The following RTF1 variants were observed in gnomAD, a reference collection of about 807,000 sequenced individuals.
RTF1 encodes the protein RTF1 homolog, Paf1/RNA polymerase II complex component.
A neutral mutation model predicts 95.7 loss-of-function variants in RTF1; 10 were observed. That is an observed-to-expected ratio of 0.10 (90% CI 0.06 to 0.18). The LOEUF (loss-of-function observed/expected upper bound fraction) is 0.18, where lower values mean the gene tolerates loss of function less well. Ranked by LOEUF, RTF1 falls within the 10% of genes least tolerant of loss-of-function variation. RTF1 has a pLI of 1.00. For missense variants in RTF1, 458 were observed against 875.6 expected (o/e 0.52, Z 6.02); for synonymous variants, 305 against 311.8 (o/e 0.98, Z 0.23).
chr15:41,479,236 C>G, intron 16 of RTF1, 38 bp downstream of exon 16: 2 of 1,430,910 alleles, frequency 1.4e-6, no homozygotes, highest in Non-Finnish European at 2.0e-6. Flanking sequence ...CTGAGTGAGG[C>G]TGCTGGCTGA....
At chr15:41,464,948 G>GTGTGTC in intron 5 of RTF1, 63 bp downstream of exon 5, 1 of 1,459,218 alleles carries the variant, frequency 6.9e-7, no homozygotes, top group Non-Finnish European at 9.0e-7. Context: ...GTGTGTGTGT[G>GTGTGTC]TGTGTGTGTG....
intron 2 of RTF1, among the ~76,000 whole-genome samples, chr15:41,445,761 A>G (rs926925070): frequency 1.4e-5 from 2 of 145,658 alleles, no homozygotes; most frequent in Non-Finnish European, 1.5e-5. Flanking sequence ...TTGGAAACAG[A>G]GTCTTGCTCT....
chr15:41,457,202 G>A (rs1008473338), intron 3 of RTF1, among the ~76,000 whole-genome samples: 3 of 152,292 alleles, frequency 2.0e-5, no homozygotes, highest in African/African-American at 7.2e-5. Flanking sequence ...AAGAGTTCGA[G>A]ACCAGCCTTG....
At chr15:41,472,800 C>T (rs188209250) in intron 8 of RTF1, among the ~76,000 whole-genome samples, 118 of 151,612 alleles carry the variant, frequency 7.8e-4, no homozygotes, top group African/African-American at 2.4e-3. Flanking sequence ...CTCCCAGGTT[C>T]ACGCCATTCT....
intron 6 of RTF1, 57 bp downstream of exon 6, chr15:41,466,309 G>A: frequency 8.5e-7 from 1 of 1,182,930 alleles, no homozygotes; most frequent in Non-Finnish European, 1.2e-6. Flanking sequence ...ACTTCCTGGT[G>A]TCCATTTTCA....
intron 13 of RTF1, 79 bp downstream of exon 13, chr15:41,477,365 C>T: frequency 6.2e-7 from 1 of 1,612,674 alleles, no homozygotes; most frequent in South Asian, 1.1e-5. Context: ...ACACTCTGTG[C>T]TGCACTGACC....
chr15:41,426,040 T>G (rs978107253), intron 1 of RTF1, among the ~76,000 whole-genome samples: 2 of 151,980 alleles, frequency 1.3e-5, no homozygotes, highest in African/African-American at 4.8e-5. Context: ...CCCAGCACTT[T>G]GGGAGGCTGA....
intron 4 of RTF1, among the ~76,000 whole-genome samples, chr15:41,463,832 T>C (rs1804680962): frequency 6.6e-6 from 1 of 151,798 alleles, no homozygotes; most frequent in Admixed American, 6.6e-5. Context: ...GGTCTTTCAT[T>C]GTGTGTTTTT....
chr15:41,432,447 T>C (rs918410106), intron 1 of RTF1, among the ~76,000 whole-genome samples: 9 of 151,568 alleles, frequency 5.9e-5, no homozygotes, highest in African/African-American at 2.2e-4. Flanking sequence ...TCCACCCACC[T>C]CAGCCTCCCA....
chr15:41,460,844 G>T (rs1025710638), intron 4 of RTF1, among the ~76,000 whole-genome samples: 4 of 150,426 alleles, frequency 2.7e-5, no homozygotes, highest in African/African-American at 9.8e-5. Context: ...CAGGCTGTAG[G>T]CTACCATGCC....
chr15:41,455,490 A>G (rs1161106881), intron 3 of RTF1, among the ~76,000 whole-genome samples: 2 of 152,106 alleles, frequency 1.3e-5, no homozygotes, highest in Non-Finnish European at 2.9e-5. Flanking sequence ...TGTTTAAGCC[A>G]TCAGGATGCA....
In RTF1 at chr15:41,475,721, G is replaced by A; in HGVS notation, c.1384G>A (p.Ala462Thr). The change falls in exon 11 of 18, where the codon GCT becomes ACT. Residue 462 changes from alanine (A) to threonine (T), a missense_variant. By Grantham distance (58) the Ala-to-Thr change is moderately conservative. This residue lies in a region of RTF1 where 150 missense variants were observed against 275.7 expected (regional missense o/e 0.54). Coordinates refer to ENST00000389629, the MANE Select transcript of RTF1 (RefSeq NM_015138.5). ...CGTGTTTTTGATCCAGATGTTCTCT[G>A]CTGGCATGCAGTTGCCCACTCTAGA... ...FMKWKEAMFSAGMQLPTLDEI... is the reference protein window; with the variant it reads ...FMKWKEAMFSTGMQLPTLDEI... 1.2e-6 allele frequency: 2 copies of A among 1,609,726 alleles called. No homozygotes were observed. The highest frequency in any genetic ancestry group is 1.7e-6 in the Non-Finnish European group (2 of 1,176,484).
chr15:41,443,371 C>G (rs893166871), intron 2 of RTF1, among the ~76,000 whole-genome samples: 1 of 151,980 alleles, frequency 6.6e-6, no homozygotes, highest in African/African-American at 2.4e-5. Flanking sequence ...GAATTATTCT[C>G]GATATCTGGA....
At chr15:41,445,883 A>G (rs1440113633) in intron 2 of RTF1, among the ~76,000 whole-genome samples, 1 of 151,886 alleles carries the variant, frequency 6.6e-6, no homozygotes, top group African/African-American at 2.4e-5. Flanking sequence ...TTACAGGCGC[A>G]TGCTACCACG....
chr15:41,418,587 G>A (rs1382955998), intron 1 of RTF1, among the ~76,000 whole-genome samples: 1 of 152,114 alleles, frequency 6.6e-6, no homozygotes, highest in Admixed American at 6.6e-5. Context: ...GGAGGCCAAG[G>A]CTCATCTGAG....
At chr15:41,474,466 C>G in intron 8 of RTF1, 154 bp from the exon 9 acceptor site, 1 of 650,734 alleles carries the variant, frequency 1.5e-6, no homozygotes, top group Non-Finnish European at 2.8e-6. Context: ...GGATTCTAAA[C>G]CTGAGAAACC....
At chr15:41,445,556 TTGA>T (rs1210705020) in intron 2 of RTF1, among the ~76,000 whole-genome samples, 1 of 152,214 alleles carries the variant, frequency 6.6e-6, no homozygotes, top group African/African-American at 2.4e-5. Flanking sequence ...ATGTGATTGC[TTGA>T]TGATGAAATA....
intron 4 of RTF1, among the ~76,000 whole-genome samples, chr15:41,461,779 G>A (rs982084583): frequency 2.0e-5 from 3 of 150,462 alleles, no homozygotes; most frequent in African/African-American, 4.9e-5. Flanking sequence ...GTGAGCCACC[G>A]TGCCCGCCGG....
At position 41,455,944 on chromosome 15, in the gene RTF1, G is replaced by A. The variant is rs142474742; in HGVS notation, c.458-1728G>A. Among the ~76,000 whole-genome samples the A allele has an allele frequency of 2.6e-5, 4 of 152,084 alleles. No homozygotes were observed. The East Asian group carries it at 5.8e-4, about 22-fold the overall frequency. On this transcript the variant is annotated intron_variant, in intron 3 of 17. Transcript: ENST00000389629. ...TCCATGTAATCAGGCCAGGTGCGGC[G>A]GCTCACACCTGTAATCCCAGCACTT...
Sources: gnomAD v4.1 joint callset for allele counts (sites outside exome capture counted in the v4.1 genomes callset) on GRCh38, gnomAD v4.1.1 for gene constraint, gnomAD v4.1.1 regional missense constraint, MANE v1.5 for transcripts, NCBI Gene and HGNC (gene_info 2026-07-23, HGNC 2026-07-21) for gene names.